The following LRRC28 variants were observed in gnomAD, a reference collection of about 807,000 sequenced individuals.
The protein encoded by LRRC28 is leucine rich repeat containing 28, also known as leucine-rich repeat-containing protein 28.
A neutral mutation model predicts 45.7 loss-of-function variants in LRRC28; 39 were observed. That is an observed-to-expected ratio of 0.85 (90% confidence interval 0.66 to 1.12). The LOEUF (loss-of-function observed/expected upper bound fraction) is 1.12, where lower values mean the gene tolerates loss of function less well. LRRC28 is among the 50% of genes most tolerant of loss of function. The probability of loss-of-function intolerance (pLI) is 0.00; values close to 1 mark genes in which losing one functional copy is unlikely to be tolerated. For missense variants in LRRC28, 435 were observed against 438.5 expected (o/e 0.99, Z 0.07); for synonymous variants, 206 against 178.8 (o/e 1.15, Z -1.22).
chr15:99,328,896 GGCCTTCAGACTGGGACTGA>G lies in LRRC28; in HGVS notation c.386-5023_386-5005del, dbSNP rs373326268. ...GCATCATTGGCATCCTTAGTTCTGA[GGCCTTCAGACTGGGACTGA>G]GCCACACTGTAGATATCCCAGCGTT... On this transcript the variant is annotated intron_variant, in intron 5 of 9. Transcript: ENST00000301981. Among the ~76,000 whole-genome samples the G allele has an allele frequency of 6.4e-3, 978 of 151,860 alleles. 10 individuals are homozygous for G. Among genetic ancestry groups the G allele is most frequent in the African/African-American group, 0.023 (953 of 41,362 alleles).
At chr15:99,259,310 A>G (rs1488189964) in intron 2 of LRRC28, 3 of 1,237,144 alleles carry the variant, frequency 2.4e-6, no homozygotes, top group Non-Finnish European at 3.6e-6. Context: ...CTATGAAGTT[A>G]TTTACCTCAC....
At chr15:99,282,177 G>GTTTTTTTTTTTTCTTTTTTTTTTT (rs2081815668) in intron 3 of LRRC28, among the ~76,000 whole-genome samples, 1 of 98,048 alleles carries the variant, frequency 1.0e-5, no homozygotes, top group Non-Finnish European at 1.9e-5. Flanking sequence ...ATTTTTGGAG[G>GTTTTTTTTTTTTCTTTTTTTTTTT]TTTTTTTTTT....
intron 2 of LRRC28, among the ~76,000 whole-genome samples, chr15:99,256,838 A>G (rs1278686910): frequency 2.0e-5 from 3 of 152,164 alleles, no homozygotes; most frequent in African/African-American, 7.2e-5. Flanking sequence ...TATTCCTATT[A>G]TTTATTGTAA....
chr15:99,352,715 C>T (rs765430691), intron 7 of LRRC28, among the ~76,000 whole-genome samples: 1 of 152,244 alleles, frequency 6.6e-6, no homozygotes, highest in South Asian at 2.1e-4. Context: ...TTATTTCCCC[C>T]CACACACCCC....
chr15:99,332,702 GC>G (rs1956198808), intron 5 of LRRC28, among the ~76,000 whole-genome samples: 1 of 152,168 alleles, frequency 6.6e-6, no homozygotes, highest in Admixed American at 6.5e-5. Context: ...TGGCCTGTGA[GC>G]CATAGTTTAC....
At chr15:99,293,718 C>G (rs2082195773) in intron 5 of LRRC28, among the ~76,000 whole-genome samples, 1 of 149,994 alleles carries the variant, frequency 6.7e-6, no homozygotes, top group African/African-American at 2.5e-5. Context: ...GCTGTGTTGC[C>G]CAAGCTGATC....
At chr15:99,293,593 C>CCAAAAAAAAAAAAAAAAAAAAAAAAAAAA (rs747700282) in intron 5 of LRRC28, among the ~76,000 whole-genome samples, 7 of 44,066 alleles carry the variant, frequency 1.6e-4, no homozygotes, top group Non-Finnish European at 2.6e-4. Context: ...AACTCTGTCA[C>CCAAAAAAAAAAAAAAAAAAAAAAAAAAAA]AAAAAAAAAA....
intron 5 of LRRC28, among the ~76,000 whole-genome samples, chr15:99,294,117 A>G (rs1399976257): frequency 1.3e-5 from 2 of 152,068 alleles, no homozygotes; most frequent in Admixed American, 6.5e-5. Context: ...TTAATCTTTT[A>G]TCTTTATCTT....
At chr15:99,367,867 G>A (rs1323981580) in intron 9 of LRRC28, among the ~76,000 whole-genome samples, 1 of 151,854 alleles carries the variant, frequency 6.6e-6, no homozygotes, top group Non-Finnish European at 1.5e-5. Flanking sequence ...ACAACTTTCA[G>A]CCCCCCTCCC....
At chr15:99,357,141 A>G (rs981558464) in intron 7 of LRRC28, among the ~76,000 whole-genome samples, 9 of 152,212 alleles carry the variant, frequency 5.9e-5, no homozygotes, top group African/African-American at 1.9e-4. Context: ...AAAAATGCAC[A>G]TGTAGATGAC....
At chr15:99,377,586 CT>C (rs1218550880) in intron 9 of LRRC28, among the ~76,000 whole-genome samples, 1 of 152,076 alleles carries the variant, frequency 6.6e-6, no homozygotes, top group Non-Finnish European at 1.5e-5. Flanking sequence ...GTTGCCATTG[CT>C]TTTGGTGTTT....
At chr15:99,360,223 T>C (rs1957164069) in intron 7 of LRRC28, among the ~76,000 whole-genome samples, 1 of 152,168 alleles carries the variant, frequency 6.6e-6, no homozygotes, top group African/African-American at 2.4e-5. Flanking sequence ...TTCAGGCTTC[T>C]GTACTGCTGC....
chr15:99,381,910 A>G (rs1472748198), intron 9 of LRRC28, among the ~76,000 whole-genome samples: 1 of 152,170 alleles, frequency 6.6e-6, no homozygotes, highest in South Asian at 2.1e-4. Flanking sequence ...TCAGAGGGGT[A>G]CCCAGCTGTG....
chr15:99,349,361 C>T (rs952785277), intron 6 of LRRC28, among the ~76,000 whole-genome samples: 2 of 151,912 alleles, frequency 1.3e-5, no homozygotes, highest in African/African-American at 4.8e-5. Flanking sequence ...ACAGCTGAAT[C>T]ACCATTTGAA....
intron 3 of LRRC28, among the ~76,000 whole-genome samples, chr15:99,277,081 C>A (rs1282168523): frequency 6.6e-6 from 1 of 151,854 alleles, no homozygotes; most frequent in Admixed American, 6.6e-5. Flanking sequence ...TATGTTTACA[C>A]CTTTGTTTTT....
intron 4 of LRRC28, 139 bp downstream of exon 4, chr15:99,287,433 C>A: frequency 1.7e-6 from 1 of 583,446 alleles, no homozygotes; most frequent in South Asian, 3.4e-5. Flanking sequence ...CAGTTAAGAA[C>A]TATAATTAAA....
intron 9 of LRRC28, among the ~76,000 whole-genome samples, chr15:99,379,970 C>G (rs766437001): frequency 3.9e-5 from 6 of 152,152 alleles, no homozygotes; most frequent in Non-Finnish European, 8.8e-5. Context: ...ACTATGTGGT[C>G]AATTTTTGAA....
Position 99,363,214 on chromosome 15 carries a change from A to T in LRRC28, c.980A>T (p.Tyr327Phe). Residue 327 changes from tyrosine (Y) to phenylalanine (F), a missense_variant, in exon 9 of 10, where the codon TAC becomes TTC. Physicochemically the swap from Tyr to Phe is conservative, Grantham distance 22 (BLOSUM62 3). Transcript: ENST00000301981. ...RCSEPMFTIV[Y>F]PKLFPLRETP... Reference sequence around the variant, plus strand: ...AGTGAGCCTATGTTTACCATCGTCTACCCCAAGCTCTTTCCCTTGAGAGAG... The same window carrying T: ...AGTGAGCCTATGTTTACCATCGTCTTCCCCAAGCTCTTTCCCTTGAGAGAG... The T allele has an allele frequency of 6.2e-7, 1 of 1,613,932 alleles. No homozygotes were observed. Among genetic ancestry groups the T allele is most frequent in the Non-Finnish European group, 8.5e-7 (1 of 1,179,890 alleles).
intron 2 of LRRC28, among the ~76,000 whole-genome samples, chr15:99,266,171 A>G (rs1194432984): frequency 6.6e-6 from 1 of 152,212 alleles, no homozygotes; most frequent in African/African-American, 2.4e-5. Flanking sequence ...ATGTTCCTGA[A>G]TTGGGCTGGG....
Sources: allele counts gnomAD v4.1 joint callset (sites outside exome capture counted in the v4.1 genomes callset), GRCh38; gene constraint gnomAD v4.1.1; transcripts MANE v1.5; gene names NCBI Gene and HGNC (gene_info 2026-07-23, HGNC 2026-07-21).